Variants in SDHB observed in about 807,000 individuals in gnomAD.
SDHB encodes succinate dehydrogenase [ubiquinone] iron-sulfur subunit, mitochondrial.
SDHB carries 21 observed loss-of-function variants against 39.7 expected under a neutral mutation model. The ratio of observed to expected loss-of-function variants is 0.53; its 90% CI spans 0.37 to 0.76. SDHB has a LOEUF of 0.76. SDHB is among the 30% of genes least tolerant of loss of function. The pLI is 0.00. For missense variants in SDHB, 343 were observed against 350.9 expected (o/e 0.98, Z 0.18); for synonymous variants, 118 against 117.0 (o/e 1.01, Z -0.06).
intron 2 of SDHB, among the ~76,000 whole-genome samples, chr1:17,034,769 C>T (rs961282044): frequency 1.3e-5 from 2 of 152,150 alleles, no homozygotes; most frequent in African/African-American, 4.8e-5. Flanking sequence ...AAAACCTTTG[C>T]TATTCTGATA....
intron 2 of SDHB, among the ~76,000 whole-genome samples, chr1:17,040,746 G>A (rs961512946): frequency 6.6e-6 from 1 of 152,082 alleles, no homozygotes; most frequent in African/African-American, 2.4e-5. Flanking sequence ...TTACAGACAT[G>A]AGCCACCATG....
At chr1:17,032,893 G>T in intron 3 of SDHB, 167 bp downstream of exon 3, 2 of 685,666 alleles carry the variant, frequency 2.9e-6, no homozygotes, top group South Asian at 3.2e-5. Flanking sequence ...TTGCACCATG[G>T]TTAGAATTTT....
At chr1:17,025,363 C>A (rs1250134958) in intron 5 of SDHB, among the ~76,000 whole-genome samples, 1 of 150,190 alleles carries the variant, frequency 6.7e-6, no homozygotes, top group Non-Finnish European at 1.5e-5. Context: ...ACAAAGGAAA[C>A]TATAAATATT....
chr1:17,041,367 A>G (rs2078078918), intron 2 of SDHB, among the ~76,000 whole-genome samples: 1 of 152,024 alleles, frequency 6.6e-6, no homozygotes, highest in South Asian at 2.1e-4. Context: ...CTATGAGGAA[A>G]TTTAAAAATT....
intron 5 of SDHB, among the ~76,000 whole-genome samples, chr1:17,026,151 T>C (rs1276483051): frequency 2.0e-5 from 3 of 152,328 alleles, no homozygotes; most frequent in South Asian, 4.1e-4. Flanking sequence ...TGCCTAGGAA[T>C]GCAAAGGACT....
At chr1:17,053,902 T>C (rs764367184) in intron 1 of SDHB, 46 bp downstream of exon 1, 2 of 1,435,856 alleles carry the variant, frequency 1.4e-6, no homozygotes, top group South Asian at 2.3e-5. Context: ...CCAGGCAGTC[T>C]CTGTGGCTTT....
intron 2 of SDHB, among the ~76,000 whole-genome samples, chr1:17,043,194 C>T (rs369114984): frequency 8.1e-4 from 123 of 152,048 alleles, no homozygotes; most frequent in African/African-American, 2.9e-3. Context: ...TGCCTGACCC[C>T]GAGTGATCCA....
At chr1:17,028,494 C>T in intron 4 of SDHB, 106 bp downstream of exon 4, 1 of 1,179,220 alleles carries the variant, frequency 8.5e-7, no homozygotes, top group Non-Finnish European at 1.2e-6. Flanking sequence ...AGAAGAGGAG[C>T]CTTAAATACT....
chr1:17,049,647 CTTTTTTTTTTTTTTT>C lies in SDHB; in HGVS notation c.72+4286_72+4300del, dbSNP rs397835910. 4.0e-4 allele frequency among the ~76,000 whole-genome samples: 21 copies of C among 52,066 alleles called. 2 individuals carry two copies. In the East Asian group the frequency reaches 7.5e-3, roughly 19 times the overall value. The allele number at this position is 52,066 out of a possible 152,430, so 34.2% of individuals were successfully genotyped here. ...GGGACTGGAGCATAATCCCCTAGTTCTTTTTTTTTTTTTTTTTTTTTTTTTTTTTTGTGAGACAGT... is the reference window on the plus strand; with the variant it reads ...GGGACTGGAGCATAATCCCCTAGTTCTTTTTTTTTTTTTTTGTGAGACAGT... On this transcript the variant is annotated intron_variant, in intron 1 of 7. Transcript: ENST00000375499.
chr1:17,041,397 C>T lies in SDHB; in HGVS notation c.200+3364G>A, dbSNP rs558584771. Among the ~76,000 whole-genome samples, 67 of 151,974 alleles carry T rather than the reference C, an allele frequency of 4.4e-4. No homozygotes were observed. The South Asian group carries it at 0.01, about 24-fold the overall frequency. On this transcript the variant is annotated intron_variant, in intron 2 of 7. Coordinates refer to ENST00000375499, the MANE Select transcript of SDHB (RefSeq NM_003000.3). ...AAAATTCTTTAAATTCCACTGGGCGCGGTGGCTCATGCCTGTAATCACAGC... is the reference window on the plus strand; with the variant it reads ...AAAATTCTTTAAATTCCACTGGGCGTGGTGGCTCATGCCTGTAATCACAGC...
chr1:17,025,464 C>CA (rs1175498621), intron 5 of SDHB, among the ~76,000 whole-genome samples: 6 of 146,828 alleles, frequency 4.1e-5, no homozygotes, highest in Non-Finnish European at 8.9e-5. Flanking sequence ...GGCTGGAGTG[C>CA]AGTGGCACAA....
At position 17,030,720 on chromosome 1, in the gene SDHB, C is replaced by T. The variant is rs936103490; in HGVS notation, c.287-1984G>A. Reference sequence around the variant, plus strand: ...TTTTTTAGATGGAGTCTTGCTCTGTCGCCCAGGCTGGAGTGCAGTGGCACG... The same window carrying T: ...TTTTTTAGATGGAGTCTTGCTCTGTTGCCCAGGCTGGAGTGCAGTGGCACG... On this transcript the variant is annotated intron_variant, in intron 3 of 7. Transcript: ENST00000375499. 2.0e-4 allele frequency among the ~76,000 whole-genome samples: 30 copies of T among 151,184 alleles called. 1 individual carries two copies. The highest frequency in any genetic ancestry group is 2.9e-4 in the Non-Finnish European group (20 of 67,822).
In SDHB at chr1:17,021,689, G is replaced by A. The variant is rs180789898; in HGVS notation, c.765+919C>T. On this transcript the variant is annotated intron_variant, in intron 7 of 7. Transcript: ENST00000375499. ...GAACCTGGGAGGCGGAGGTTGTGGT[G>A]AGCTGAGATCGATCGTGCCATTGCA... is the stretch of plus-strand genomic sequence containing the variant. 4.9e-3 allele frequency among the ~76,000 whole-genome samples: 748 copies of A among 151,660 alleles called. 8 individuals carry two copies. The highest frequency in any genetic ancestry group is 0.017 in the African/African-American group (720 of 41,332).
In SDHB at chr1:17,040,216, T is replaced by C. The variant is rs115121182; in HGVS notation, c.200+4545A>G. Reference sequence around the variant, plus strand: ...GTTTCCTTGTATGTAACATGTTGTTTTTCTCCAGCTGCTTTCAAGATTTTC... The same window carrying C: ...GTTTCCTTGTATGTAACATGTTGTTCTTCTCCAGCTGCTTTCAAGATTTTC... On this transcript the variant is annotated intron_variant, in intron 2 of 7. Transcript: ENST00000375499. Among the ~76,000 whole-genome samples, 811 of 152,314 alleles carry C rather than the reference T, an allele frequency of 5.3e-3. 9 individuals are homozygous for C. The highest frequency in any genetic ancestry group is 0.019 in the African/African-American group (780 of 41,554).
In SDHB at chr1:17,044,807, C is replaced by G. The variant is rs1183722041; in HGVS notation, c.154G>C (p.Ala52Pro). ...GTCTGCATATGAGGTTTGTCTCCAG[C>G]CTTGTCTGGGTCCCATCGATAGATG... ...FAIYRWDPDK[A>P]GDKPHMQTYE... The change falls in exon 2 of 8, where the codon GCT (alanine) becomes CCT (proline). Residue 52 changes from alanine (A) to proline (P), a missense_variant. Coordinates refer to ENST00000375499, the MANE Select transcript of SDHB (RefSeq NM_003000.3). 3.1e-6 allele frequency: 5 copies of G among 1,614,118 alleles called. No individual in the cohort carries two copies. Among genetic ancestry groups the G allele is most frequent in the Non-Finnish European group, 4.2e-6 (5 of 1,179,988 alleles).
chr1:17,023,152 A>T, intron 6 of SDHB: 1 of 321,934 alleles, frequency 3.1e-6, no homozygotes, highest in Non-Finnish European at 6.1e-6. Flanking sequence ...GTCTACAGAT[A>T]GTATTTGTCC....
chr1:17,044,916 G>GAA, intron 1 of SDHB, 28 bp from the exon 2 acceptor site: 2 of 1,594,258 alleles, frequency 1.3e-6, no homozygotes, highest in African/African-American at 1.4e-5. Context: ...TCACAAAAAG[G>GAA]AAAAAAAAAT....
chr1:17,024,033 G>A lies in SDHB; in HGVS notation c.582C>T (p.Thr194=), dbSNP rs775450654. Reference sequence around the variant, plus strand: ...CGTTCCACCAGTAGCTGGGGCAGCTGGTGCTACAGCAGGCACAGAGAATGC... The same window carrying A: ...CGTTCCACCAGTAGCTGGGGCAGCTAGTGCTACAGCAGGCACAGAGAATGC... ...YECILCACCS[T]SCPSYWWNGD... Residue 194 remains threonine (T), a synonymous_variant, in exon 6 of 8, where the codon ACC becomes ACT. Coordinates refer to ENST00000375499, the MANE Select transcript of SDHB (RefSeq NM_003000.3). 7 of 1,613,972 alleles carry A rather than the reference G, an allele frequency of 4.3e-6. No homozygotes were observed. In the Admixed American group the frequency reaches 1.2e-4, roughly 27 times the overall value.
intron 3 of SDHB, among the ~76,000 whole-genome samples, chr1:17,031,960 T>A (rs1408226184): frequency 6.6e-6 from 1 of 152,150 alleles, no homozygotes; most frequent in Non-Finnish European, 1.5e-5. Flanking sequence ...TGAAGGTAGA[T>A]AATAAGCACA....
Sources: allele counts gnomAD v4.1 joint callset (sites outside exome capture counted in the v4.1 genomes callset), GRCh38; gene constraint gnomAD v4.1.1; transcripts MANE v1.5; gene names NCBI Gene and HGNC (gene_info 2026-07-23, HGNC 2026-07-21).